The following EYA4 variants were observed in gnomAD, a reference collection of about 807,000 sequenced individuals.
EYA4 encodes the protein protein phosphatase EYA4.
In EYA4, 31 loss-of-function variants were observed where a neutral mutation model predicts 87.9. That is an observed-to-expected ratio of 0.35 (90% confidence interval 0.27 to 0.48). EYA4 has a LOEUF of 0.48. EYA4 is among the 20% of genes least tolerant of loss of function. EYA4 has a pLI of 0.99. For synonymous variants in EYA4, 263 were observed against 270.6 expected, an observed-to-expected ratio of 0.97 and a Z score of 0.28; for missense variants, 678 against 761.4, an observed-to-expected ratio of 0.89 and a Z score of 1.29.
chr6:133,457,739 T>TAC (rs1421023734), intron 6 of EYA4, among the ~76,000 whole-genome samples: 1 of 152,168 alleles, frequency 6.6e-6, no homozygotes, highest in Non-Finnish European at 1.5e-5. Context: ...AGGAGATAGT[T>TAC]ACCAGTTCAG....
At chr6:133,243,751 A>G (rs886851483) in intron 1 of EYA4, among the ~76,000 whole-genome samples, 3 of 151,794 alleles carry the variant, frequency 2.0e-5, no homozygotes, top group Non-Finnish European at 4.4e-5. Context: ...CCCAAAAAAT[A>G]TTTGATACGT....
intron 3 of EYA4, among the ~76,000 whole-genome samples, chr6:133,422,953 C>T (rs1790345923): frequency 6.6e-6 from 1 of 152,158 alleles, no homozygotes; most frequent in East Asian, 1.9e-4. Context: ...TCTCTCTCTA[C>T]CCACCTTGCC....
At chr6:133,317,990 C>T (rs895461954) in intron 2 of EYA4, among the ~76,000 whole-genome samples, 2 of 152,102 alleles carry the variant, frequency 1.3e-5, no homozygotes, top group East Asian at 1.9e-4. Context: ...CATCCACCCT[C>T]TTATACAAGT....
intron 2 of EYA4, among the ~76,000 whole-genome samples, chr6:133,353,992 G>A (rs977183301): frequency 6.6e-6 from 1 of 152,272 alleles, no homozygotes. Context: ...ACTCATGTGA[G>A]GGAAGGTGGG....
intron 3 of EYA4, 119 bp downstream of exon 3, chr6:133,382,560 T>A: frequency 1.2e-6 from 1 of 802,544 alleles, no homozygotes; most frequent in Non-Finnish European, 2.3e-6. Flanking sequence ...GAAGAACTTA[T>A]CTTGATGGAA....
At chr6:133,392,643 A>G (rs887511369) in intron 3 of EYA4, among the ~76,000 whole-genome samples, 1 of 152,168 alleles carries the variant, frequency 6.6e-6, no homozygotes, top group Non-Finnish European at 1.5e-5. Context: ...AATTTTCTAC[A>G]GTGGATACTT....
At chr6:133,480,992 G>C (rs909715531) in intron 11 of EYA4, among the ~76,000 whole-genome samples, 11 of 151,972 alleles carry the variant, frequency 7.2e-5, no homozygotes, top group Admixed American at 2.6e-4. Flanking sequence ...AGGTGGAAGG[G>C]AAGATGGGAG....
intron 1 of EYA4, among the ~76,000 whole-genome samples, chr6:133,272,909 G>T (rs1456233422): frequency 6.6e-6 from 1 of 151,902 alleles, no homozygotes; most frequent in Non-Finnish European, 1.5e-5. Context: ...TGGCTCGCTG[G>T]CATAGAGCTA....
At chr6:133,348,794 C>T (rs1439535682) in intron 2 of EYA4, among the ~76,000 whole-genome samples, 1 of 152,162 alleles carries the variant, frequency 6.6e-6, no homozygotes, top group Non-Finnish European at 1.5e-5. Context: ...AGGTTCATCT[C>T]CATCTCGGTG....
chr6:133,245,737 C>G (rs1186091369), intron 1 of EYA4, among the ~76,000 whole-genome samples: 1 of 152,160 alleles, frequency 6.6e-6, no homozygotes, highest in Non-Finnish European at 1.5e-5. Flanking sequence ...TGGAGCCAAA[C>G]TTGGCGTCAT....
chr6:133,376,758 A>C (rs1236837562), intron 2 of EYA4, among the ~76,000 whole-genome samples: 1 of 152,058 alleles, frequency 6.6e-6, no homozygotes, highest in African/African-American at 2.4e-5. Flanking sequence ...TCCAGAAATT[A>C]TGGTATTTTC....
Position 133,274,721 on chromosome 6 carries a change from C to A in EYA4, c.-60C>A. On this transcript the variant is annotated 5_prime_UTR_variant, in exon 2 of 20. Coordinates refer to ENST00000355286, the MANE Select transcript of EYA4 (RefSeq NM_004100.5). ...TTTCCATCTTCTTGTTTTAGATAGT[C>A]ATTTTTACTTGAAGGAAGCTGCTTC... 7.0e-7 allele frequency: 1 copy of A among 1,418,698 alleles called. No individual in the cohort carries two copies. The highest frequency in any genetic ancestry group is 1.0e-6 in the Non-Finnish European group (1 of 1,002,640). The allele number at this position is 1,418,698 out of a possible 1,614,324, so 87.9% of individuals were successfully genotyped here.
chr6:133,270,643 T>A (rs1010188160), intron 1 of EYA4, among the ~76,000 whole-genome samples: 9 of 152,200 alleles, frequency 5.9e-5, no homozygotes, highest in African/African-American at 2.2e-4. Flanking sequence ...TGTTTTTTTT[T>A]CCTTGTGGAG....
At chr6:133,252,987 A>ACT (rs1329208604) in intron 1 of EYA4, among the ~76,000 whole-genome samples, 125 of 118,150 alleles carry the variant, frequency 1.1e-3, no homozygotes, top group African/African-American at 4.0e-3. Context: ...ACACACACAC[A>ACT]CACTCACTCT....
chr6:133,373,110 A>G (rs753222575), intron 2 of EYA4, among the ~76,000 whole-genome samples: 32 of 152,114 alleles, frequency 2.1e-4, no homozygotes, highest in Non-Finnish European at 4.4e-4. Flanking sequence ...CTTAATAGGT[A>G]AATGATGGTG....
intron 6 of EYA4, among the ~76,000 whole-genome samples, 198 bp downstream of exon 6, chr6:133,456,846 G>A (rs1004201614): frequency 2.0e-5 from 3 of 152,138 alleles, no homozygotes; most frequent in African/African-American, 7.2e-5. Context: ...AATTTCGCTT[G>A]ATATTTTAGT....
At chr6:133,457,529 T>C (rs572765855) in intron 6 of EYA4, among the ~76,000 whole-genome samples, 3 of 152,310 alleles carry the variant, frequency 2.0e-5, no homozygotes, top group Admixed American at 6.5e-5. Context: ...AGTTGAGATA[T>C]GTCTTAGAGT....
At chr6:133,327,843 T>C (rs73776024) in intron 2 of EYA4, among the ~76,000 whole-genome samples, 3,337 of 152,264 alleles carry the variant, frequency 0.022, 120 homozygotes, top group African/African-American at 0.077. Context: ...GCTTAAAAGA[T>C]TAGGTAGGAA....
At chr6:133,352,906 A>G (rs1474084325) in intron 2 of EYA4, among the ~76,000 whole-genome samples, 1 of 152,206 alleles carries the variant, frequency 6.6e-6, no homozygotes, top group Non-Finnish European at 1.5e-5. Context: ...GTCTTAGCTC[A>G]AAATATCATC....
Sources: allele counts gnomAD v4.1 joint callset (sites outside exome capture counted in the v4.1 genomes callset), GRCh38; gene constraint gnomAD v4.1.1; transcripts MANE v1.5; gene names NCBI Gene and HGNC (gene_info 2026-07-23, HGNC 2026-07-21).